SEPTIN3: variants seen among roughly 807,000 people sequenced by gnomAD.
SEPTIN3 encodes neuronal-specific septin-3.
A neutral mutation model predicts 45.1 loss-of-function variants in SEPTIN3; 15 were observed. The ratio of observed to expected loss-of-function variants is 0.33; its 90% CI spans 0.22 to 0.51. The LOEUF (loss-of-function observed/expected upper bound fraction) is 0.51, where lower values mean the gene tolerates loss of function less well. Among genes scored for constraint, SEPTIN3 ranks in the 20% least tolerant of loss-of-function variants. The pLI, the probability that SEPTIN3 is intolerant of heterozygous loss-of-function variation, is 0.97. For missense variants in SEPTIN3, 289 were observed against 457.2 expected (o/e 0.63, Z 3.35); for synonymous variants, 148 against 164.8 (o/e 0.90, Z 0.78).
chr22:41,973,495 TA>T, intron 2 of SEPTIN3, among the ~76,000 whole-genome samples: 1 of 88,034 alleles, frequency 1.1e-5, no homozygotes, highest in South Asian at 4.1e-4. Context: ...CCGTCTCTAC[TA>T]AAAGTACAAA....
rs925938658 is a variant in SEPTIN3, at chr22:41,971,812, G to C, written c.320G>C (p.Ser107Thr). ...AGCAGCCTTGTACCCAGGAAGCTCA[G>C]CTCCATCTCCTTGACTCTCCATCAG... is the stretch of plus-strand genomic sequence containing the variant. The part of the protein sequence containing the change: ...PTSSLVPRKL[S>T]SISLTLHQNS... The change falls in exon 2 of 12, where the codon AGC becomes ACC. Residue 107 changes from serine (S) to threonine (T), a missense_variant. By Grantham distance (58) the Ser-to-Thr change is moderately conservative (BLOSUM62 1). Transcript: ENST00000644076. 2.5e-6 allele frequency: 1 copy of C among 399,342 alleles called. No homozygotes were observed. The highest frequency in any genetic ancestry group is 4.4e-6 in the Non-Finnish European group (1 of 226,312). The allele number at this position is 399,342 out of a possible 1,614,324, so 24.7% of individuals were successfully genotyped here. A position where few individuals can be genotyped will look rare whatever the true frequency, so the allele number is the denominator to read the frequency against.
intron 6 of SEPTIN3, 39 bp from the exon 7 acceptor site, chr22:41,989,528 C>A: frequency 7.2e-7 from 1 of 1,391,452 alleles, no homozygotes; most frequent in Non-Finnish European, 1.0e-6. Flanking sequence ...TTGGGGAGGG[C>A]AAGGTGGCTC....
rs2078395763 is a variant in SEPTIN3 at position 41,994,755 on chromosome 22, G to A, written c.2505+41G>A. ...GAGGAAAGCCACGACAGTAACCCATGACGACCACTTCTCTGTGTCATCACA... is the reference window on the plus strand; with the variant it reads ...GAGGAAAGCCACGACAGTAACCCATAACGACCACTTCTCTGTGTCATCACA... On this transcript the variant is annotated intron_variant, in intron 11 of 11. Transcript: ENST00000644076. The surrounding 1 kb of genome is among the most constrained non-coding windows in gnomAD (Gnocchi z 4.2). 6.2e-7 allele frequency: 1 copy of A among 1,613,976 alleles called. No individual in the cohort carries two copies. Among genetic ancestry groups the A allele is most frequent in the Non-Finnish European group, 8.5e-7 (1 of 1,180,014 alleles).
Position 41,994,226 on chromosome 22 carries a change from C to T in SEPTIN3, c.2360-64C>T. ...CTCCGTGACCCAAACAGAAGCTCACCTCCTGGGTGTTGCTGTATTAATGAA... is the reference window on the plus strand; with the variant it reads ...CTCCGTGACCCAAACAGAAGCTCACTTCCTGGGTGTTGCTGTATTAATGAA... On this transcript the variant is annotated intron_variant, in intron 9 of 11. Coordinates refer to ENST00000644076, the MANE Select transcript of SEPTIN3 (RefSeq NM_001363845.2). This position sits in a 1 kb window ranked among gnomAD's most constrained non-coding sequence, Gnocchi z 4.2. 3 of 1,523,040 alleles carry T rather than the reference C, an allele frequency of 2.0e-6. No individual in the cohort carries two copies. Among genetic ancestry groups the T allele is most frequent in the South Asian group, 2.2e-5 (2 of 89,202 alleles). 94.3% of individuals were successfully genotyped at this position (1,523,040 alleles called of 1,614,324 possible).
rs138575185 is a variant in SEPTIN3, at chr22:41,997,854, G to A, written c.*887G>A. The A allele has an allele frequency of 3.7e-3, 569 of 152,778 alleles. 4 individuals carry two copies. Among genetic ancestry groups the A allele is most frequent in the Non-Finnish European group, 6.2e-3 (420 of 68,052 alleles). The allele number at this position is 152,778 out of a possible 1,614,324, so 9.5% of individuals were successfully genotyped here. Reference sequence around the variant, plus strand: ...GTAGGCTAATGGAAAATACCCAAGGGAGGGCAAAGCCCCCCATCAGATGCA... The same window carrying A: ...GTAGGCTAATGGAAAATACCCAAGGAAGGGCAAAGCCCCCCATCAGATGCA... On this transcript the variant is annotated 3_prime_UTR_variant, in exon 12 of 12. Transcript: ENST00000644076.
Position 41,987,483 on chromosome 22 carries a change from G to A in SEPTIN3, c.1908-139G>A, listed in dbSNP as rs2078228841. The A allele has an allele frequency of 1.4e-5, 17 of 1,197,152 alleles. No homozygotes were observed. In the South Asian group the frequency reaches 2.5e-4, roughly 17 times the overall value. 74.2% of individuals were successfully genotyped at this position (1,197,152 alleles called of 1,614,324 possible). ...GAAAGCCATCGGTGCGGGGGCTGAGGGGGAATCTGGCAGCAGGTATCCTAG... is the reference window on the plus strand; with the variant it reads ...GAAAGCCATCGGTGCGGGGGCTGAGAGGGAATCTGGCAGCAGGTATCCTAG... On this transcript the variant is annotated intron_variant, in intron 5 of 11. Coordinates refer to ENST00000644076, the MANE Select transcript of SEPTIN3 (RefSeq NM_001363845.2).
Position 41,986,739 on chromosome 22 carries a change from G to T in SEPTIN3, c.1826-467G>T, listed in dbSNP as rs909530747. On this transcript the variant is annotated intron_variant, in intron 4 of 11. Coordinates refer to ENST00000644076, the MANE Select transcript of SEPTIN3 (RefSeq NM_001363845.2). ...GATGGTCTTGATCTCCTGAGCTCGT[G>T]ATCCGCCTGCCTTGGCCTCCCAAAC... is the stretch of plus-strand genomic sequence containing the variant. Among the ~76,000 whole-genome samples, 3 of 152,136 alleles carry T rather than the reference G, an allele frequency of 2.0e-5. No homozygotes were observed. The East Asian group carries it at 5.8e-4, about 29-fold the overall frequency.
chr22:41,982,427 G>C (rs1400491906), intron 3 of SEPTIN3, among the ~76,000 whole-genome samples: 1 of 152,218 alleles, frequency 6.6e-6, no homozygotes, highest in Non-Finnish European at 1.5e-5. Context: ...AGAATCGCTC[G>C]AACCCGGGAG....
At chr22:41,988,167 T>C (rs11090065) in intron 6 of SEPTIN3, among the ~76,000 whole-genome samples, 43,511 of 151,950 alleles carry the variant, frequency 0.29, 6,699 homozygotes, top group Admixed American at 0.35. Flanking sequence ...GGCTCCTGGA[T>C]TGGGGCTGGT....
chr22:41,995,442 C>A (rs2078414488), intron 11 of SEPTIN3: 2 of 985,454 alleles, frequency 2.0e-6, no homozygotes, highest in Non-Finnish European at 2.4e-6. Flanking sequence ...CTGCTCTCCA[C>A]TCAACTGGCC....
chr22:41,993,193 T>C (rs1158374839), intron 9 of SEPTIN3, among the ~76,000 whole-genome samples: 2 of 152,220 alleles, frequency 1.3e-5, no homozygotes, highest in Non-Finnish European at 2.9e-5. Context: ...TCATTCAATA[T>C]GATAACCCTA....
chr22:41,989,164 T>G (rs1284752072), intron 6 of SEPTIN3, among the ~76,000 whole-genome samples: 2 of 148,226 alleles, frequency 1.3e-5, no homozygotes, highest in African/African-American at 5.0e-5. Context: ...CACAGTGTTG[T>G]TTTTTTTTGG....
At position 41,977,155 on chromosome 22, in the gene SEPTIN3, G is replaced by T. The variant is rs1403170872; in HGVS notation, c.1504+4159G>T. 2.1e-5 allele frequency: 30 copies of T among 1,457,080 alleles called. 1 individual carries two copies. In the South Asian group the frequency reaches 3.8e-4, roughly 18 times the overall value. The allele number at this position is 1,457,080 out of a possible 1,614,324, so 90.3% of individuals were successfully genotyped here. A position where few individuals can be genotyped will look rare whatever the true frequency, so the allele number is the denominator to read the frequency against. On this transcript the variant is annotated intron_variant, in intron 2 of 11. Coordinates refer to ENST00000644076, the MANE Select transcript of SEPTIN3 (RefSeq NM_001363845.2). ...CAGCGCGGCTGGAGGCGCTCCTGGG[G>T]GAGGGTTTCCGCGCCGAGGAGCCCA...
chr22:41,985,834 A>T, intron 3 of SEPTIN3, 150 bp from the exon 4 acceptor site: 1 of 904,352 alleles, frequency 1.1e-6, no homozygotes, highest in South Asian at 1.8e-5. Context: ...CCTGCCTGCA[A>T]TCCCCACTCA....
rs779465533 is a variant in SEPTIN3, at chr22:41,971,171, C to A, written c.-19-303C>A. ...ACACTCAGGCCCAGGCAAAGGGAGACGTAAGCCCAGCCTGAGATGCCCCAT... is the reference window on the plus strand; with the variant it reads ...ACACTCAGGCCCAGGCAAAGGGAGAAGTAAGCCCAGCCTGAGATGCCCCAT... On this transcript the variant is annotated intron_variant, in intron 1 of 11. Coordinates refer to ENST00000644076, the MANE Select transcript of SEPTIN3 (RefSeq NM_001363845.2). Among the ~76,000 whole-genome samples, 4 of 152,114 alleles carry A rather than the reference C, an allele frequency of 2.6e-5. No homozygotes were observed. In the East Asian group the frequency reaches 7.7e-4, roughly 29 times the overall value.
intron 4 of SEPTIN3, 46 bp downstream of exon 4, chr22:41,986,158 C>G: frequency 6.2e-7 from 1 of 1,602,060 alleles, no homozygotes; most frequent in Non-Finnish European, 8.5e-7. Context: ...CAGTGAGTGC[C>G]TCTGCTGGAA....
At chr22:41,990,199 C>G (rs1427724501) in intron 7 of SEPTIN3, among the ~76,000 whole-genome samples, 1 of 151,950 alleles carries the variant, frequency 6.6e-6, no homozygotes, top group Non-Finnish European at 1.5e-5. Context: ...CACCACCACG[C>G]CTGGCTAATT....
chr22:41,981,114 G>A (rs1393583596), intron 2 of SEPTIN3, among the ~76,000 whole-genome samples: 1 of 152,178 alleles, frequency 6.6e-6, no homozygotes, highest in African/African-American at 2.4e-5. Context: ...GGGGAGGGAG[G>A]CATGACTCAG....
intron 2 of SEPTIN3, among the ~76,000 whole-genome samples, chr22:41,978,648 C>G (rs1164211686): frequency 6.6e-6 from 1 of 152,176 alleles, no homozygotes; most frequent in Admixed American, 6.5e-5. Flanking sequence ...GGCACCCTTA[C>G]CAGACAGGGG....
Sources: gnomAD v4.1 joint callset for allele counts (sites outside exome capture counted in the v4.1 genomes callset) on GRCh38, gnomAD v4.1.1 for gene constraint, Gnocchi (gnomAD v3.1) non-coding constraint, MANE v1.5 for transcripts, NCBI Gene and HGNC (gene_info 2026-07-23, HGNC 2026-07-21) for gene names.